Variants in GSE1 observed in about 807,000 individuals in gnomAD.
GSE1 encodes genetic suppressor element 1.
GSE1 carries 32 observed loss-of-function variants against 112.6 expected under a neutral mutation model. The observed-to-expected ratio is 0.28, with a 90% CI of 0.21 to 0.38. GSE1 has a LOEUF of 0.38. GSE1 is among the 10% of genes least tolerant of loss of function. The pLI, the probability that GSE1 is intolerant of heterozygous loss-of-function variation, is 1.00. For missense variants in GSE1, 2,348 were observed against 1,699.2 expected (o/e 1.38, Z -6.71); for synonymous variants, 1,115 against 735.6 (o/e 1.52, Z -8.35).
At chr16:85,640,265 C>T (rs779201923) in intron 2 of GSE1, among the ~76,000 whole-genome samples, 1 of 152,222 alleles carries the variant, frequency 6.6e-6, no homozygotes, top group South Asian at 2.1e-4. Context: ...TTAACACCGG[C>T]CGGGGGCTCA....
At chr16:85,604,295 G>A (rs144166291) in intron 1 of GSE1, among the ~76,000 whole-genome samples, 156 of 152,148 alleles carry the variant, frequency 1.0e-3, no homozygotes, top group Admixed American at 2.0e-3. Context: ...ATCCAGCATC[G>A]TGTCTTCAAG....
chr16:85,577,134 C>T (rs1263277355), intron 1 of GSE1, among the ~76,000 whole-genome samples: 1 of 151,474 alleles, frequency 6.6e-6, no homozygotes, highest in Non-Finnish European at 1.5e-5. Context: ...AGTCAGGACG[C>T]TGGGGTCCTG....
At chr16:85,181,023 TAGAA>T (rs1481091558) in intron 1 of GSE1, among the ~76,000 whole-genome samples, 4 of 152,240 alleles carry the variant, frequency 2.6e-5, no homozygotes, top group Non-Finnish European at 5.9e-5. Context: ...ATTTTACATA[TAGAA>T]AGAACATGTG....
chr16:85,361,377 AC>A (rs5818531), intron 2 of GSE1, among the ~76,000 whole-genome samples: 42,591 of 116,630 alleles, frequency 0.37, 9,626 homozygotes, highest in East Asian at 0.6. Context: ...ACAGGCACAG[AC>A]CCCCCCACAC....
intron 1 of GSE1, among the ~76,000 whole-genome samples, chr16:85,614,220 C>G (rs956027137): frequency 6.6e-6 from 1 of 152,216 alleles, no homozygotes; most frequent in African/African-American, 2.4e-5. Context: ...GCCTCCCCGC[C>G]CCCAGCCCTC....
At chr16:85,613,909 C>G (rs1182672303) in intron 1 of GSE1, among the ~76,000 whole-genome samples, 31 of 147,746 alleles carry the variant, frequency 2.1e-4, no homozygotes, top group African/African-American at 7.3e-4. Flanking sequence ...GGGTTCTTGT[C>G]TTGCTCCCCT....
chr16:85,588,176 G>T (rs748807544), intron 1 of GSE1, among the ~76,000 whole-genome samples: 4 of 152,144 alleles, frequency 2.6e-5, no homozygotes, highest in Non-Finnish European at 5.9e-5. Flanking sequence ...CATCTCGCTC[G>T]ATTCCCCACC....
At chr16:85,507,708 G>A (rs776561851) in intron 2 of GSE1, among the ~76,000 whole-genome samples, 18 of 152,058 alleles carry the variant, frequency 1.2e-4, no homozygotes, top group Non-Finnish European at 2.2e-4. Flanking sequence ...AGGGCCACCC[G>A]GGTGACCTCA....
intron 2 of GSE1, among the ~76,000 whole-genome samples, chr16:85,425,072 A>T (rs1355871318): frequency 6.6e-6 from 1 of 152,076 alleles, no homozygotes; most frequent in Non-Finnish European, 1.5e-5. Flanking sequence ...GCCCCGGGCC[A>T]CTCACCCAGG....
intron 2 of GSE1, among the ~76,000 whole-genome samples, chr16:85,365,761 C>A (rs1280016168): frequency 6.6e-6 from 1 of 152,208 alleles, no homozygotes; most frequent in African/African-American, 2.4e-5. Context: ...CTCTTCTAGC[C>A]ATGTGTTGAA....
intron 2 of GSE1, among the ~76,000 whole-genome samples, chr16:85,439,439 G>A (rs923250968): frequency 1.3e-5 from 2 of 152,200 alleles, no homozygotes; most frequent in African/African-American, 4.8e-5. Flanking sequence ...TCAAATGGCC[G>A]AGCAGGAGGG....
intron 1 of GSE1, among the ~76,000 whole-genome samples, chr16:85,233,282 A>G (rs567950303): frequency 1.3e-5 from 2 of 152,156 alleles, no homozygotes; most frequent in Non-Finnish European, 2.9e-5. Flanking sequence ...TCAAATCACT[A>G]TCCACCCACC....
At chr16:85,555,756 C>A (rs2045174757), upstream of GSE1, 12 of 978,200 alleles carry the variant, frequency 1.2e-5, no homozygotes, top group Non-Finnish European at 1.4e-5. Context: ...CCTTGACATT[C>A]AAATGGCTGA....
At chr16:85,422,428 C>A (rs1207375910) in intron 2 of GSE1, among the ~76,000 whole-genome samples, 1 of 151,786 alleles carries the variant, frequency 6.6e-6, no homozygotes, top group Non-Finnish European at 1.5e-5. Context: ...CCCCCGGAGG[C>A]CTGGTGGATG....
intron 2 of GSE1, among the ~76,000 whole-genome samples, chr16:85,536,228 G>A (rs1329431724): frequency 6.6e-6 from 1 of 152,370 alleles, no homozygotes; most frequent in Admixed American, 6.5e-5. Context: ...TCTCCGTGGG[G>A]CCTCCCTGGC....
chr16:85,245,213 T>C (rs1905508927), intron 1 of GSE1, among the ~76,000 whole-genome samples: 1 of 152,080 alleles, frequency 6.6e-6, no homozygotes. Context: ...TCACCATAAA[T>C]AAAAGGTAGC....
chr16:85,669,984 T>C (rs2053198109), intron 14 of GSE1, among the ~76,000 whole-genome samples: 1 of 152,230 alleles, frequency 6.6e-6, no homozygotes, highest in African/African-American at 2.4e-5. Context: ...CCCCTAAGGA[T>C]TTTAGGATCG....
At chr16:85,427,204 A>C (rs1016671795) in intron 2 of GSE1, among the ~76,000 whole-genome samples, 2 of 152,020 alleles carry the variant, frequency 1.3e-5, no homozygotes, top group African/African-American at 4.8e-5. Context: ...TATCTCCCAG[A>C]CCCTCCAGGG....
At chr16:85,196,813 C>T (rs62048643) in intron 1 of GSE1, among the ~76,000 whole-genome samples, 26,206 of 151,916 alleles carry the variant, frequency 0.17, 2,377 homozygotes, top group Non-Finnish European at 0.19. Flanking sequence ...TTTTCATTCC[C>T]TCATTCAGAA....
Sources: allele counts gnomAD v4.1 joint callset (sites outside exome capture counted in the v4.1 genomes callset), GRCh38; gene constraint gnomAD v4.1.1; transcripts MANE v1.5; gene names NCBI Gene and HGNC (gene_info 2026-07-23, HGNC 2026-07-21).